AKT3: variants seen among roughly 807,000 people sequenced by gnomAD.
AKT3 encodes the protein AKT serine/threonine kinase 3, also known as RAC-gamma serine/threonine-protein kinase.
Under a neutral mutation model 65.3 loss-of-function variants are expected in AKT3, and 15 were observed. The observed-to-expected ratio is 0.23, with a 90% CI of 0.15 to 0.35. The LOEUF (loss-of-function observed/expected upper bound fraction) is 0.35. Among genes scored for constraint, AKT3 ranks in the 10% least tolerant of loss-of-function variants. The pLI, the probability that AKT3 is intolerant of heterozygous loss-of-function variation, is 1.00. For synonymous variants in AKT3, 206 were observed against 183.8 expected, an observed-to-expected ratio of 1.12 and a Z score of -0.98; for missense variants, 243 against 576.5, an observed-to-expected ratio of 0.42 and a Z score of 5.92.
At chr1:243,820,356 G>A (rs572267893) in intron 2 of AKT3, among the ~76,000 whole-genome samples, 48 of 152,158 alleles carry the variant, frequency 3.2e-4, no homozygotes, top group East Asian at 2.9e-3. Context: ...AAGAATCAAC[G>A]AAAAAAACAT....
chr1:243,637,844 A>C (rs1680089163), intron 5 of AKT3, 102 bp from the exon 6 acceptor site: 5 of 713,874 alleles, frequency 7.0e-6, no homozygotes, highest in Admixed American at 3.7e-5. Flanking sequence ...ACCAAATTTT[A>C]CCAATTTATA....
chr1:243,610,770 A>T (rs1162549079), intron 8 of AKT3, among the ~76,000 whole-genome samples: 1 of 152,254 alleles, frequency 6.6e-6, no homozygotes, highest in Non-Finnish European at 1.5e-5. Context: ...ATAGACAAAC[A>T]TATATACACA....
chr1:243,833,742 T>C (rs1312371898), intron 2 of AKT3, among the ~76,000 whole-genome samples: 1 of 151,548 alleles, frequency 6.6e-6, no homozygotes, highest in Non-Finnish European at 1.5e-5. Context: ...TAGAATCCTA[T>C]ATACAATTTA....
intron 2 of AKT3, among the ~76,000 whole-genome samples, chr1:243,839,448 A>G (rs922397414): frequency 2.2e-4 from 34 of 152,232 alleles, no homozygotes; most frequent in Non-Finnish European, 4.7e-4. Context: ...AAACGCAGAC[A>G]ATACTTTACT....
intron 4 of AKT3, among the ~76,000 whole-genome samples, chr1:243,656,565 A>G (rs1184259547): frequency 6.6e-6 from 1 of 152,252 alleles, no homozygotes; most frequent in Admixed American, 6.5e-5. Context: ...TGAAAAATGA[A>G]TTGGTACTTA....
intron 9 of AKT3, among the ~76,000 whole-genome samples, chr1:243,565,146 T>C (rs1414649524): frequency 1.3e-5 from 2 of 152,344 alleles, no homozygotes; most frequent in Middle Eastern, 3.4e-3. Flanking sequence ...ATTTCATGTA[T>C]AGCATGTCTC....
Position 243,505,175 on chromosome 1 carries a change from A to G in AKT3, c.*74T>C. 1 of 1,404,186 alleles carries G rather than the reference A, an allele frequency of 7.1e-7. No individual in the cohort carries two copies. Among genetic ancestry groups the G allele is most frequent in the Non-Finnish European group, 1.0e-6 (1 of 995,864 alleles). The allele number at this position is 1,404,186 out of a possible 1,614,324, so 87.0% of individuals were successfully genotyped here. A position where few individuals can be genotyped will look rare whatever the true frequency, so the allele number is the denominator to read the frequency against. The stretch of plus-strand genomic sequence containing the variant: ...GGTGCCCCTGCTATGTGTAAGAGCT[A>G]GGACTGGTGATGTCCAGGAATCATT... On this transcript the variant is annotated 3_prime_UTR_variant, in exon 14 of 14. Transcript: ENST00000673466.
intron 2 of AKT3, among the ~76,000 whole-genome samples, chr1:243,744,536 G>A (rs1459103445): frequency 6.6e-6 from 1 of 151,800 alleles, no homozygotes; most frequent in Non-Finnish European, 1.5e-5. Flanking sequence ...TCAGGAGATC[G>A]AGACCATCCC....
At chr1:243,499,614 T>C (rs150553393), downstream of AKT3, 72 of 728,226 alleles carry the variant, frequency 9.9e-5, no homozygotes, top group Middle Eastern at 8.7e-4. Context: ...AAACTTTTCA[T>C]ATAATTTCCA....
chr1:243,723,942 C>T (rs533219285), intron 2 of AKT3, among the ~76,000 whole-genome samples: 1 of 152,226 alleles, frequency 6.6e-6, no homozygotes, highest in South Asian at 2.1e-4. Context: ...TTTTCATTGG[C>T]TTCGTTTTAG....
At chr1:243,593,890 G>A (rs1032295785) in intron 8 of AKT3, among the ~76,000 whole-genome samples, 1 of 152,116 alleles carries the variant, frequency 6.6e-6, no homozygotes, top group African/African-American at 2.4e-5. Flanking sequence ...AAAACACAAT[G>A]TTCGCTACTT....
intron 2 of AKT3, among the ~76,000 whole-genome samples, chr1:243,736,776 T>C (rs183558394): frequency 5.3e-5 from 8 of 152,324 alleles, no homozygotes; most frequent in African/African-American, 1.9e-4. Flanking sequence ...TTAAGATTCA[T>C]CTACTTTAAA....
In AKT3 at chr1:243,687,785, T is replaced by G. The variant is rs556400979; in HGVS notation, c.172+7806A>C. ...AGTTTTCTTAAAAATGATCTCATTT[T>G]AAAATAATTTTTACAAAGGTTTTCT... On this transcript the variant is annotated intron_variant, in intron 3 of 13. Coordinates refer to ENST00000673466, the MANE Select transcript of AKT3 (RefSeq NM_005465.7). 8 of 152,338 alleles carry G rather than the reference T, an allele frequency of 5.3e-5. No homozygotes were observed. In the South Asian group the frequency reaches 1.7e-3, roughly 32 times the overall value. 9.4% of individuals were successfully genotyped at this position (152,338 alleles called of 1,614,324 possible). A position where few individuals can be genotyped will look rare whatever the true frequency, so the allele number is the denominator to read the frequency against.
In AKT3 at chr1:243,824,688, T is replaced by A. The variant is rs537363240; in HGVS notation, c.46+18437A>T. ...TCACTGATCATTCAAGAAATTCAAA[T>A]CAAAATCACAAGGAGATACCACCTC... On this transcript the variant is annotated intron_variant, in intron 2 of 13. Coordinates refer to ENST00000673466, the MANE Select transcript of AKT3 (RefSeq NM_005465.7). 6.0e-5 allele frequency among the ~76,000 whole-genome samples: 9 copies of A among 150,910 alleles called. No homozygotes were observed. In the South Asian group the frequency reaches 1.9e-3, roughly 32 times the overall value.
rs183861885 is a variant in AKT3 at position 243,501,752 on chromosome 1, A to G, written c.*3497T>C. 1 of 233,056 alleles carries G rather than the reference A, an allele frequency of 4.3e-6. No homozygotes were observed. Among genetic ancestry groups the G allele is most frequent in the East Asian group, 6.1e-5 (1 of 16,512 alleles). 14.4% of individuals were successfully genotyped at this position (233,056 alleles called of 1,614,324 possible). On this transcript the variant is annotated 3_prime_UTR_variant, in exon 14 of 14. Coordinates refer to ENST00000673466, the MANE Select transcript of AKT3 (RefSeq NM_005465.7). ...TTATAGAACCACATCCAACAACAAT[A>G]AACAGAGAAGTAGCAGATTGACATA... is the stretch of plus-strand genomic sequence containing the variant.
At position 243,620,343 on chromosome 1, in the gene AKT3, TGGG is replaced by T. The variant is rs1485590481; in HGVS notation, c.562-5185_562-5183del. 9.3e-4 allele frequency among the ~76,000 whole-genome samples: 91 copies of T among 98,344 alleles called. 2 individuals carry two copies. Among genetic ancestry groups the T allele is most frequent in the Middle Eastern group, 5.4e-3 (1 of 186 alleles). The allele number at this position is 98,344 out of a possible 152,430, so 64.5% of individuals were successfully genotyped here. On this transcript the variant is annotated intron_variant, in intron 6 of 13. Coordinates refer to ENST00000673466, the MANE Select transcript of AKT3 (RefSeq NM_005465.7). ...CTTTTCTTTATAAATTACCCAATCT[TGGG>T]CAGTTCTTTATACCAGTGTGAGAAT... is the stretch of plus-strand genomic sequence containing the variant.
intron 12 of AKT3, among the ~76,000 whole-genome samples, chr1:243,515,087 T>C (rs6704286): frequency 6.6e-6 from 1 of 152,060 alleles, no homozygotes; most frequent in East Asian, 1.9e-4. Context: ...CATTTAGCAT[T>C]ATTACTTTGA....
intron 2 of AKT3, among the ~76,000 whole-genome samples, chr1:243,708,491 T>G (rs1295322560): frequency 6.6e-6 from 1 of 151,992 alleles, no homozygotes; most frequent in Non-Finnish European, 1.5e-5. Context: ...ATGGGCATAT[T>G]TGCTCATTAT....
At chr1:243,830,191 A>G (rs1402783733) in intron 2 of AKT3, among the ~76,000 whole-genome samples, 3 of 152,224 alleles carry the variant, frequency 2.0e-5, no homozygotes, top group African/African-American at 7.2e-5. Context: ...AACCACTTAC[A>G]TAGAATCTTT....
Sources: gnomAD v4.1 joint callset for allele counts (sites outside exome capture counted in the v4.1 genomes callset) on GRCh38, gnomAD v4.1.1 for gene constraint, MANE v1.5 for transcripts, NCBI Gene and HGNC (gene_info 2026-07-23, HGNC 2026-07-21) for gene names.